PCDHA1: variants seen among roughly 807,000 people sequenced by gnomAD.
The protein encoded by PCDHA1 is protocadherin alpha-1.
In PCDHA1, 42 loss-of-function variants were observed where a neutral mutation model predicts 61.3. That is an observed-to-expected ratio of 0.69 (90% confidence interval 0.54 to 0.89). The LOEUF is 0.89. Ranked by LOEUF, PCDHA1 falls within the 40% of genes least tolerant of loss-of-function variation. The pLI, the probability that PCDHA1 is intolerant of heterozygous loss-of-function variation, is 0.00. For missense variants in PCDHA1, 1,256 were observed against 1,235.3 expected (o/e 1.02, Z -0.25); for synonymous variants, 610 against 553.8 (o/e 1.10, Z -1.43).
chr5:140,827,993 G>A (rs1554130961), intron 1 of PCDHA1: 2 of 1,474,758 alleles, frequency 1.4e-6, no homozygotes, highest in Non-Finnish European at 1.8e-6. Flanking sequence ...TTGAATGATG[G>A]CGGACGCAGA....
intron 1 of PCDHA1, chr5:140,828,576 T>G: frequency 1.2e-6 from 2 of 1,614,230 alleles, no homozygotes; most frequent in Non-Finnish European, 1.7e-6. Flanking sequence ...GATGCAGATG[T>G]TGGCTCAAAT....
chr5:140,931,579 A>G (rs1464146269), intron 1 of PCDHA1, among the ~76,000 whole-genome samples: 2 of 152,102 alleles, frequency 1.3e-5, no homozygotes, highest in Non-Finnish European at 2.9e-5. Flanking sequence ...CCATTCATTC[A>G]GTTGAACAGT....
intron 1 of PCDHA1, chr5:140,968,152 C>T (rs782362724): frequency 6.2e-7 from 1 of 1,614,172 alleles, no homozygotes; most frequent in South Asian, 1.1e-5. Context: ...TCTCTGACAT[C>T]AATGACAATC....
rs782004703 is a variant in PCDHA1, at chr5:140,807,238, ACTT to A, written c.2394+18560_2394+18562del. 71 of 1,614,010 alleles carry A rather than the reference ACTT, an allele frequency of 4.4e-5. No individual in the cohort carries two copies. In the East Asian group the frequency reaches 7.4e-4, roughly 17 times the overall value. On this transcript the variant is annotated intron_variant, in intron 1 of 3. Coordinates refer to ENST00000504120, the MANE Select transcript of PCDHA1 (RefSeq NM_018900.4). ...AGGAATCCCGGCGTCTGCTGCTCTT[ACTT>A]CTTCTCCTCGCAGCCTGGGAGGCAG... is the stretch of plus-strand genomic sequence containing the variant.
intron 1 of PCDHA1, chr5:140,863,482 A>C (rs2048042905): frequency 4.3e-6 from 2 of 466,950 alleles, no homozygotes; most frequent in East Asian, 1.2e-4. Context: ...TCGCCTCCCA[A>C]GGTCAACATT....
intron 3 of PCDHA1, among the ~76,000 whole-genome samples, chr5:140,985,765 A>G (rs2097169846): frequency 7.8e-6 from 1 of 128,516 alleles, no homozygotes; most frequent in African/African-American, 3.0e-5. Flanking sequence ...TTTTTGAGAC[A>G]GTCTCGCTCT....
intron 1 of PCDHA1, among the ~76,000 whole-genome samples, chr5:140,973,564 A>T (rs2096593487): frequency 6.6e-6 from 1 of 152,168 alleles, no homozygotes; most frequent in Admixed American, 6.5e-5. Context: ...CTCTTTCCTC[A>T]ATTTTTCTAC....
Position 140,871,550 on chromosome 5 carries a change from C to A in PCDHA1, c.2394+82866C>A, listed in dbSNP as rs369025500. On this transcript the variant is annotated intron_variant, in intron 1 of 3. Transcript: ENST00000504120. The stretch of plus-strand genomic sequence containing the variant: ...AAGTGTATGTGAAATTATTTAAAAT[C>A]CAGTTTTTTTTCACGGATTTTTTAA... The A allele has an allele frequency of 1.6e-4, 246 of 1,495,268 alleles. 8 individuals are homozygous for A. In the South Asian group the frequency reaches 3.1e-3, roughly 19 times the overall value. The allele number at this position is 1,495,268 out of a possible 1,614,324, so 92.6% of individuals were successfully genotyped here.
At chr5:140,871,288 G>A (rs1254609310) in intron 1 of PCDHA1, 2 of 1,613,786 alleles carry the variant, frequency 1.2e-6, no homozygotes, top group Non-Finnish European at 1.7e-6. Context: ...GCCCACTGAG[G>A]GCGCGTGCGC....
intron 1 of PCDHA1, among the ~76,000 whole-genome samples, chr5:140,793,848 A>G (rs1761811885): frequency 6.6e-6 from 1 of 152,266 alleles, no homozygotes; most frequent in South Asian, 2.1e-4. Flanking sequence ...GTAATAGTAC[A>G]TTATCCAAAT....
chr5:140,897,255 C>A (rs890766563), intron 1 of PCDHA1, among the ~76,000 whole-genome samples: 2 of 151,828 alleles, frequency 1.3e-5, no homozygotes, highest in Admixed American at 1.3e-4. Flanking sequence ...CATATGTATA[C>A]ATGTGCCATG....
chr5:140,971,165 G>A (rs1390176241), intron 1 of PCDHA1, among the ~76,000 whole-genome samples: 1 of 152,136 alleles, frequency 6.6e-6, no homozygotes, highest in Non-Finnish European at 1.5e-5. Context: ...GCTCAGCTTT[G>A]CCACCAGCTG....
intron 1 of PCDHA1, chr5:140,807,956 A>G: frequency 1.2e-6 from 2 of 1,612,664 alleles, no homozygotes; most frequent in Non-Finnish European, 1.7e-6. Context: ...AAATGTTCCT[A>G]ATGGAACATT....
In PCDHA1 at chr5:140,786,493, C is replaced by G; in HGVS notation, c.203C>G (p.Ser68Cys). 1 of 1,613,822 alleles carries G rather than the reference C, an allele frequency of 6.2e-7. No homozygotes were observed. The highest frequency in any genetic ancestry group is 1.3e-5 in the African/African-American group (1 of 75,066). ...GTGCCTCGCCTGTTCCGGGTGGCGT[C>G]CAAAACACACAGGGACCTTCTGGAG... is the stretch of plus-strand genomic sequence containing the variant. ...ELVPRLFRVA[S>C]KTHRDLLEVN... is the part of the protein sequence containing the mutation. The change falls in exon 1 of 4, where the codon TCC becomes TGC. Residue 68 changes from serine (S) to cysteine (C), a missense_variant. By Grantham distance (112) the Ser-to-Cys change is moderately radical (BLOSUM62 -1). Transcript: ENST00000504120.
chr5:140,828,906 G>A (rs2150160526), intron 1 of PCDHA1: 13 of 1,614,242 alleles, frequency 8.1e-6, no homozygotes, highest in Non-Finnish European at 9.3e-6. Flanking sequence ...CGGGATGAAG[G>A]AGCGAATGGG....
At chr5:140,929,349 A>G in intron 1 of PCDHA1, 1 of 1,530,382 alleles carries the variant, frequency 6.5e-7, no homozygotes, top group Non-Finnish European at 8.8e-7. Context: ...ATGGAATTTG[A>G]TTCCTTTGGC....
chr5:140,886,043 T>C (rs977275136), intron 1 of PCDHA1, among the ~76,000 whole-genome samples: 3 of 152,168 alleles, frequency 2.0e-5, no homozygotes, highest in Admixed American at 6.5e-5. Context: ...TTTTCCCCAA[T>C]AGTAACATCT....
chr5:140,953,131 C>T (rs1554220819), intron 1 of PCDHA1, among the ~76,000 whole-genome samples: 1 of 152,158 alleles, frequency 6.6e-6, no homozygotes, highest in African/African-American at 2.4e-5. Context: ...TAAACCGTAT[C>T]ACTGTTATAT....
rs2150101302 is a variant in PCDHA1 at position 140,818,452 on chromosome 5, A to G, written c.2394+29768A>G. Reference sequence around the variant, plus strand: ...CTAACTTGGGTACTGGCTAATGTCAAAAGAAACTTTCCTCCCACAAAGTTT... The same window carrying G: ...CTAACTTGGGTACTGGCTAATGTCAGAAGAAACTTTCCTCCCACAAAGTTT... On this transcript the variant is annotated intron_variant, in intron 1 of 3. Transcript: ENST00000504120. Among the ~76,000 whole-genome samples the G allele has an allele frequency of 1.7e-3, 261 of 152,350 alleles. 3 individuals are homozygous for G. Among genetic ancestry groups the G allele is most frequent in the Non-Finnish European group, 3.1e-3 (214 of 68,036 alleles).
Sources: gnomAD v4.1 joint callset for allele counts (sites outside exome capture counted in the v4.1 genomes callset) on GRCh38, gnomAD v4.1.1 for gene constraint, MANE v1.5 for transcripts, NCBI Gene and HGNC (gene_info 2026-07-23, HGNC 2026-07-21) for gene names.